HS3ST4: variants seen among roughly 807,000 people sequenced by gnomAD.
HS3ST4 encodes heparan sulfate-glucosamine 3-sulfotransferase 4, also known as heparan sulfate glucosamine 3-O-sulfotransferase 4.
A neutral mutation model predicts 29.2 loss-of-function variants in HS3ST4; 17 were observed. The observed-to-expected ratio is 0.58, with a 90% CI of 0.40 to 0.87. The LOEUF (loss-of-function observed/expected upper bound fraction) is 0.87, where lower values mean the gene tolerates loss of function less well. Ranked by LOEUF, HS3ST4 falls within the 40% of genes least tolerant of loss-of-function variation. HS3ST4 has a pLI of 0.00. For synonymous variants in HS3ST4, 314 were observed against 285.7 expected (o/e 1.10, Z -1.00); for missense variants, 627 against 634.5 (o/e 0.99, Z 0.13).
chr16:25,794,481 G>A (rs746893212), intron 1 of HS3ST4, among the ~76,000 whole-genome samples: 7 of 150,558 alleles, frequency 4.6e-5, no homozygotes, highest in Non-Finnish European at 8.9e-5. Flanking sequence ...TTTCACTAGC[G>A]AAAAATGTTT....
chr16:26,136,121 G>A lies in HS3ST4; in HGVS notation c.1244G>A (p.Arg415Gln), dbSNP rs753467285. The A allele has an allele frequency of 3.1e-6, 5 of 1,613,400 alleles. No homozygotes were observed. Among genetic ancestry groups the A allele is most frequent in the Non-Finnish European group, 3.4e-6 (4 of 1,179,664 alleles). ...APRCLGKSKGRTHPRIDPDVI... is the reference protein window; with the variant it reads ...APRCLGKSKGQTHPRIDPDVI... ...AGGTGCTTAGGCAAGAGCAAAGGTC[G>A]GACTCATCCTCGCATTGACCCAGAT... The change falls in exon 2 of 2, where the codon CGG (arginine) becomes CAG (glutamine). Residue 415 changes from arginine (R) to glutamine (Q), a missense_variant. By Grantham distance (43) the Arg-to-Gln change is conservative. Coordinates refer to ENST00000331351, the MANE Select transcript of HS3ST4 (RefSeq NM_006040.3).
chr16:25,999,828 A>G (rs993249653), intron 1 of HS3ST4, among the ~76,000 whole-genome samples: 1 of 129,526 alleles, frequency 7.7e-6, no homozygotes, highest in Non-Finnish European at 1.6e-5. Context: ...ATATATATTT[A>G]TATATTATAT....
At chr16:25,867,578 GCACGCACACACA>G (rs1967709298) in intron 1 of HS3ST4, among the ~76,000 whole-genome samples, 1 of 151,744 alleles carries the variant, frequency 6.6e-6, no homozygotes, top group Non-Finnish European at 1.5e-5. Flanking sequence ...TCACACACAC[GCACGCACACACA>G]CATGCACACA....
chr16:25,973,342 T>A (rs964214007), intron 1 of HS3ST4, among the ~76,000 whole-genome samples: 1 of 152,172 alleles, frequency 6.6e-6, no homozygotes, highest in Middle Eastern at 3.2e-3. Context: ...CATAGATGTA[T>A]GACATAGAAG....
intron 1 of HS3ST4, among the ~76,000 whole-genome samples, chr16:26,010,264 G>T (rs1018707529): frequency 6.6e-6 from 1 of 152,078 alleles, no homozygotes; most frequent in Non-Finnish European, 1.5e-5. Context: ...GACCAGTCGG[G>T]CCAACATGGC....
In HS3ST4 at chr16:25,875,778, C is replaced by A. The variant is rs969886771; in HGVS notation, c.734+182627C>A. Among the ~76,000 whole-genome samples, 4 of 152,208 alleles carry A rather than the reference C, an allele frequency of 2.6e-5. No homozygotes were observed. The South Asian group carries it at 8.3e-4, about 32-fold the overall frequency. ...CTGGGAGACTTGGCCATGGGTCATA[C>A]AGTCTGTGAAGATTATTGCCAGGTG... On this transcript the variant is annotated intron_variant, in intron 1 of 1. Coordinates refer to ENST00000331351, the MANE Select transcript of HS3ST4 (RefSeq NM_006040.3).
At chr16:25,891,318 C>A (rs1596604587) in intron 1 of HS3ST4, among the ~76,000 whole-genome samples, 1 of 152,156 alleles carries the variant, frequency 6.6e-6, no homozygotes, top group African/African-American at 2.4e-5. Context: ...CTTGAAATGA[C>A]TATTTTTTTA....
At chr16:25,887,845 C>G (rs1210672185) in intron 1 of HS3ST4, among the ~76,000 whole-genome samples, 1 of 151,778 alleles carries the variant, frequency 6.6e-6, no homozygotes, top group East Asian at 1.9e-4. Flanking sequence ...CTACAGGCGC[C>G]CACCACCACG....
chr16:25,899,594 C>T lies in HS3ST4; in HGVS notation c.734+206443C>T, dbSNP rs930474282. Among the ~76,000 whole-genome samples the T allele has an allele frequency of 4.6e-5, 7 of 151,982 alleles. No individual in the cohort carries two copies. In the South Asian group the frequency reaches 8.3e-4, roughly 18 times the overall value. ...GATCTCAGCTCACTGCAACCTCTGCCGTACGTGTTCAAGCAATTTTCCTGT... is the reference window on the plus strand; with the variant it reads ...GATCTCAGCTCACTGCAACCTCTGCTGTACGTGTTCAAGCAATTTTCCTGT... On this transcript the variant is annotated intron_variant, in intron 1 of 1. Coordinates refer to ENST00000331351, the MANE Select transcript of HS3ST4 (RefSeq NM_006040.3).
At chr16:26,042,778 C>G (rs1596660691) in intron 1 of HS3ST4, among the ~76,000 whole-genome samples, 2 of 151,886 alleles carry the variant, frequency 1.3e-5, no homozygotes, top group East Asian at 3.9e-4. Context: ...TTTTTACATT[C>G]CATTTTCACA....
intron 1 of HS3ST4, among the ~76,000 whole-genome samples, chr16:26,050,095 C>T (rs920648219): frequency 6.6e-6 from 1 of 152,148 alleles, no homozygotes; most frequent in African/African-American, 2.4e-5. Flanking sequence ...TGCCCTCTCC[C>T]CCCTGGAGAC....
At chr16:25,934,115 A>G (rs373426178) in intron 1 of HS3ST4, among the ~76,000 whole-genome samples, 4 of 152,138 alleles carry the variant, frequency 2.6e-5, no homozygotes, top group African/African-American at 7.2e-5. Flanking sequence ...TCAGGCAGAT[A>G]TGTTTTGACT....
Position 25,857,930 on chromosome 16 carries a change from TTCTTTCTTTCTTTC to T in HS3ST4, c.734+164781_734+164794del, listed in dbSNP as rs1567257119. On this transcript the variant is annotated intron_variant, in intron 1 of 1. Coordinates refer to ENST00000331351, the MANE Select transcript of HS3ST4 (RefSeq NM_006040.3). ...TTCCTTCCTTCCTTCCTTTCTTTCT[TTCTTTCTTTCTTTC>T]TTTCTTTCTTTCTTTCTTTCTTTCT... 2.0e-3 allele frequency among the ~76,000 whole-genome samples: 98 copies of T among 50,248 alleles called. 3 individuals carry two copies. In the South Asian group the frequency reaches 0.067, roughly 34 times the overall value. 33.0% of individuals were successfully genotyped at this position (50,248 alleles called of 152,430 possible). A position where few individuals can be genotyped will look rare whatever the true frequency, so the allele number is the denominator to read the frequency against.
chr16:26,076,358 C>G lies in HS3ST4; in HGVS notation c.735-59254C>G, dbSNP rs548748796. Among the ~76,000 whole-genome samples, 25 of 152,272 alleles carry G rather than the reference C, an allele frequency of 1.6e-4. 1 individual carries two copies. The South Asian group carries it at 5.0e-3, about 30-fold the overall frequency. The stretch of plus-strand genomic sequence containing the variant: ...GCTGGTTAAGCTAGACTTGCTGTGC[C>G]TGAAAGATCACATTCAGGTAGGCTG... On this transcript the variant is annotated intron_variant, in intron 1 of 1. Coordinates refer to ENST00000331351, the MANE Select transcript of HS3ST4 (RefSeq NM_006040.3).
chr16:25,954,518 TAAAAG>T, intron 1 of HS3ST4, among the ~76,000 whole-genome samples: 1 of 152,156 alleles, frequency 6.6e-6, no homozygotes, highest in African/African-American at 2.4e-5. Context: ...GAACAAAACA[TAAAAG>T]AAAAAGAAGC....
chr16:25,769,138 G>A (rs1393064465), intron 1 of HS3ST4, among the ~76,000 whole-genome samples: 2 of 152,058 alleles, frequency 1.3e-5, no homozygotes, highest in Admixed American at 6.6e-5. Context: ...TCTGTCCTTC[G>A]CCAAGCAGGA....
At chr16:25,746,668 C>T (rs1228454063) in intron 1 of HS3ST4, among the ~76,000 whole-genome samples, 1 of 151,968 alleles carries the variant, frequency 6.6e-6, no homozygotes, top group Non-Finnish European at 1.5e-5. Context: ...TCTCCTGCCT[C>T]AGCCTCCTGA....
Position 25,692,239 on chromosome 16 carries a change from G to A in HS3ST4, c.-179G>A, listed in dbSNP as rs563442199. 3.8e-3 allele frequency: 565 copies of A among 148,704 alleles called. 4 individuals are homozygous for A. The highest frequency in any genetic ancestry group is 4.3e-3 in the Non-Finnish European group (289 of 66,738). 9.2% of individuals were successfully genotyped at this position (148,704 alleles called of 1,614,324 possible). ...CCATGCGGCCGGGCTCCCCCCTGGC[G>A]CAGCGGGACAGCGGCCAGGGCCGGG... On this transcript the variant is annotated 5_prime_UTR_variant, in exon 1 of 2. Coordinates refer to ENST00000331351, the MANE Select transcript of HS3ST4 (RefSeq NM_006040.3).
intron 1 of HS3ST4, among the ~76,000 whole-genome samples, chr16:25,965,806 A>G (rs1968836892): frequency 6.6e-6 from 1 of 152,206 alleles, no homozygotes; most frequent in South Asian, 2.1e-4. Context: ...GTCTTTTTAC[A>G]TATAGAACTC....
Sources: gnomAD v4.1 joint callset for allele counts (sites outside exome capture counted in the v4.1 genomes callset) on GRCh38, gnomAD v4.1.1 for gene constraint, MANE v1.5 for transcripts, NCBI Gene and HGNC (gene_info 2026-07-23, HGNC 2026-07-21) for gene names.